Variants in ACTN3 observed in about 807,000 individuals in gnomAD.
The protein encoded by ACTN3 is actinin alpha 3, also known as alpha-actinin-3.
A neutral mutation model predicts 119.6 loss-of-function variants in ACTN3; 91 were observed. The ratio of observed to expected loss-of-function variants is 0.76; its 90% CI spans 0.64 to 0.91. The LOEUF (loss-of-function observed/expected upper bound fraction) is 0.91. ACTN3 is among the 40% of genes least tolerant of loss of function. The pLI, the probability that ACTN3 is intolerant of heterozygous loss-of-function variation, is 0.00. For synonymous variants in ACTN3, 456 were observed against 478.8 expected, an observed-to-expected ratio of 0.95 and a Z score of 0.62; for missense variants, 1,221 against 1,215.1, an observed-to-expected ratio of 1.00 and a Z score of -0.07.
upstream of ACTN3, chr11:66,546,522 G>A (rs758171368): frequency 1.0e-5 from 16 of 1,535,338 alleles, no homozygotes; most frequent in Admixed American, 2.0e-5. Context: ...TGGGGATAGG[G>A]CTCTGTGTCC....
In ACTN3 at chr11:66,557,240, C is replaced by T. The variant is rs1427311276; in HGVS notation, c.897+15C>T. The T allele has an allele frequency of 1.3e-6, 2 of 1,550,714 alleles. No individual in the cohort carries two copies. The highest frequency in any genetic ancestry group is 2.4e-5 in the South Asian group (2 of 84,022). ...TTGCCAGTGAGGTGAGGCTGGGCTC[C>T]CACCGTGCTCTCCCCACCCCAGCCC... On this transcript the variant is annotated intron_variant, in intron 9 of 20. Transcript: ENST00000513398.
At chr11:66,558,262 C>T in intron 11 of ACTN3, 88 bp downstream of exon 11, 1 of 1,555,982 alleles carries the variant, frequency 6.4e-7, no homozygotes, top group East Asian at 2.2e-5. Context: ...TGGCAAAATG[C>T]ACAGGACAAG....
intron 15 of ACTN3, 139 bp from the exon 16 acceptor site, chr11:66,561,088 G>A (rs2134940318): frequency 8.1e-7 from 1 of 1,232,136 alleles, no homozygotes; most frequent in Non-Finnish European, 1.1e-6. Context: ...TTAGTGACTT[G>A]CCCAAGAGCT....
chr11:66,556,583 C>T (rs1035137903), intron 8 of ACTN3, among the ~76,000 whole-genome samples: 13 of 152,144 alleles, frequency 8.5e-5, no homozygotes, highest in South Asian at 2.1e-4. Flanking sequence ...ACTACAGGCA[C>T]GTGCTACCAC....
chr11:66,546,448 G>A, upstream of ACTN3: 1 of 1,288,370 alleles, frequency 7.8e-7, no homozygotes, highest in African/African-American at 1.5e-5. Context: ...CCATGCCCGG[G>A]TGTCTCCATC....
chr11:66,551,317 G>T lies in ACTN3; in HGVS notation c.226G>T (p.Gly76Cys). The T allele has an allele frequency of 6.2e-7, 1 of 1,611,330 alleles. No individual in the cohort carries two copies. Among genetic ancestry groups the T allele is most frequent in the Non-Finnish European group, 8.5e-7 (1 of 1,178,760 alleles). The part of the protein sequence containing the change: ...IENIEEDFRN[G>C]LKLMLLLEVI... The stretch of plus-strand genomic sequence containing the variant: ...GAACATCGAGGAAGATTTCCGCAAT[G>T]GCCTCAAACTCATGCTGCTCCTGGA... The change falls in exon 2 of 21, where the codon GGC becomes TGC. Residue 76 changes from glycine (G) to cysteine (C), a missense_variant. Physicochemically the swap from Gly to Cys is radical, Grantham distance 159 (BLOSUM62 -3). This residue lies in a region of ACTN3 where 239 missense variants were observed against 231.8 expected (regional missense o/e 1.03). Coordinates refer to ENST00000513398, the MANE Select transcript of ACTN3 (RefSeq NM_001104.4).
chr11:66,557,643 T>A, intron 9 of ACTN3, 56 bp from the exon 10 acceptor site: 1 of 1,545,296 alleles, frequency 6.5e-7, no homozygotes, highest in Non-Finnish European at 8.8e-7. Context: ...GAGGGGTGGG[T>A]GAGCTGGGCA....
At chr11:66,559,178 C>A in intron 11 of ACTN3, 58 bp from the exon 12 acceptor site, 1 of 1,416,124 alleles carries the variant, frequency 7.1e-7, no homozygotes, top group Non-Finnish European at 9.2e-7. Flanking sequence ...ACGCAGCCCG[C>A]CGCGCACCCC....
chr11:66,560,238 T>A lies in ACTN3; in HGVS notation c.1604T>A (p.Phe535Tyr), dbSNP rs775923140. Reference sequence around the variant, plus strand: ...GAGTTTGCCCGGCGGGCCGCGCCCTTCAACAACTGGCTGGATGGTGCCGTG... The same window carrying A: ...GAGTTTGCCCGGCGGGCCGCGCCCTACAACAACTGGCTGGATGGTGCCGTG... The part of the protein sequence containing the change: ...QLEFARRAAP[F>Y]NNWLDGAVED... The change falls in exon 14 of 21, where the codon TTC becomes TAC. Residue 535 changes from phenylalanine to tyrosine, a missense_variant. Phe to Tyr is a conservative substitution (Grantham distance 22). Transcript: ENST00000513398. 6.2e-7 allele frequency: 1 copy of A among 1,613,174 alleles called. No individual in the cohort carries two copies. Among genetic ancestry groups the A allele is most frequent in the South Asian group, 1.1e-5 (1 of 90,796 alleles).
Position 66,561,225 on chromosome 11 carries a change from A to G in ACTN3, c.1861-2A>G. ...GCTCTGGCATAACTGCCCTCCTCCC[A>G]GGTCCGAAAGCTGGTGCCCAGCTGT... On this transcript the variant is annotated splice_acceptor_variant, in intron 15 of 20. Coordinates refer to ENST00000513398, the MANE Select transcript of ACTN3 (RefSeq NM_001104.4). LOFTEE classifies it high-confidence loss of function. 1 of 1,555,396 alleles carries G rather than the reference A, an allele frequency of 6.4e-7. No homozygotes were observed. The highest frequency in any genetic ancestry group is 1.4e-5 in the African/African-American group (1 of 73,246).
At chr11:66,556,518 C>A (rs535785920) in intron 8 of ACTN3, among the ~76,000 whole-genome samples, 1 of 152,316 alleles carries the variant, frequency 6.6e-6, no homozygotes, top group East Asian at 1.9e-4. Flanking sequence ...GGCGTGATCA[C>A]GGCTCATTGC....
rs1857707086 is a variant in ACTN3, at chr11:66,559,999, A to C, written c.1459A>C (p.Asn487His). 1.2e-6 allele frequency: 2 copies of C among 1,603,098 alleles called. No homozygotes were observed. The highest frequency in any genetic ancestry group is 1.7e-6 in the Non-Finnish European group (2 of 1,176,404). ...GGACTACCACGAGGCAGCCTCAGTG[A>C]ATAGCCGCTGCCAGGCCATCTGCGA... The part of the protein sequence containing the change: ...ELDYHEAASV[N>H]SRCQAICDQW... The change falls in exon 13 of 21, where the codon AAT (asparagine) becomes CAT (histidine). Residue 487 changes from asparagine to histidine, a missense_variant. By Grantham distance (68) the Asn-to-His change is moderately conservative (BLOSUM62 1). This residue lies in a region of ACTN3 where 934 missense variants were observed against 899.9 expected (regional missense o/e 1.04). Coordinates refer to ENST00000513398, the MANE Select transcript of ACTN3 (RefSeq NM_001104.4).
intron 7 of ACTN3, 109 bp from the exon 8 acceptor site, chr11:66,556,036 T>C (rs1857582774): frequency 1.0e-6 from 1 of 977,360 alleles, no homozygotes; most frequent in Non-Finnish European, 1.5e-6. Context: ...GGTGGCTGGC[T>C]GCTGGTGGCC....
chr11:66,547,164 A>G (rs1857368401), intron 1 of ACTN3, 80 bp downstream of exon 1: 6 of 1,400,232 alleles, frequency 4.3e-6, no homozygotes, highest in Non-Finnish European at 5.6e-6. Context: ...TCAGCAGTGC[A>G]GGGGCAGAGC....
intron 8 of ACTN3, among the ~76,000 whole-genome samples, chr11:66,556,563 A>G (rs929780144): frequency 2.6e-5 from 4 of 151,508 alleles, no homozygotes; most frequent in African/African-American, 9.7e-5. Flanking sequence ...CAGCCTCCCC[A>G]GTAGCTGGGA....
Position 66,562,009 on chromosome 11 carries a change from C to G in ACTN3, c.2176-13C>G, listed in dbSNP as rs1478188989. 3 of 1,596,542 alleles carry G rather than the reference C, an allele frequency of 1.9e-6. No homozygotes were observed. The South Asian group carries it at 3.4e-5, about 18-fold the overall frequency. ...GGCCGCCCACTGACAGTGGCCTGTCCCCTGACCGCCAGCACATCCGCGTGG... is the reference window on the plus strand; with the variant it reads ...GGCCGCCCACTGACAGTGGCCTGTCGCCTGACCGCCAGCACATCCGCGTGG... On this transcript the variant is annotated splice_polypyrimidine_tract_variant and intron_variant, in intron 17 of 20. Coordinates refer to ENST00000513398, the MANE Select transcript of ACTN3 (RefSeq NM_001104.4).
chr11:66,551,606 T>C lies in ACTN3; in HGVS notation c.341T>C (p.Ile114Thr), dbSNP rs1255821979. ...AACGTTAACAAGGCCCTGGACTTCA[T>C]TGCCAGCAAGGGGGTTAAACTGGTG... ...IANVNKALDF[I>T]ASKGVKLVSI... The change falls in exon 3 of 21, where the codon ATT (isoleucine) becomes ACT (threonine). Residue 114 changes from isoleucine (I) to threonine (T), a missense_variant. Ile to Thr is a moderately conservative substitution (Grantham distance 89). This residue lies in a region of ACTN3 where 239 missense variants were observed against 231.8 expected (regional missense o/e 1.03). Transcript: ENST00000513398. 1.9e-6 allele frequency: 3 copies of C among 1,614,026 alleles called. No homozygotes were observed. The highest frequency in any genetic ancestry group is 2.5e-6 in the Non-Finnish European group (3 of 1,180,038).
At chr11:66,551,692 C>T (rs1565303812) in intron 3 of ACTN3, 45 bp downstream of exon 3, 1 of 1,608,156 alleles carries the variant, frequency 6.2e-7, no homozygotes, top group Non-Finnish European at 8.5e-7. Flanking sequence ...ACAGGGGCCT[C>T]TCTTGACATC....
chr11:66,557,974 C>T (rs1442984423), intron 10 of ACTN3, 45 bp downstream of exon 10: 1 of 1,613,088 alleles, frequency 6.2e-7, no homozygotes, highest in Non-Finnish European at 8.5e-7. Flanking sequence ...GGTCCGTATC[C>T]CATCTGTACA....
Sources: allele counts gnomAD v4.1 joint callset (sites outside exome capture counted in the v4.1 genomes callset), GRCh38; gene constraint gnomAD v4.1.1; regional missense constraint gnomAD v4.1.1; transcripts MANE v1.5; gene names NCBI Gene and HGNC (gene_info 2026-07-23, HGNC 2026-07-21).